NRK: variants seen among roughly 807,000 people sequenced by gnomAD.
NRK encodes the protein nik-related protein kinase.
NRK carries 67 observed loss-of-function variants against 125.2 expected under a neutral mutation model. The ratio of observed to expected loss-of-function variants is 0.54; its 90% CI spans 0.44 to 0.66. The LOEUF is 0.66. Among genes scored for constraint, NRK ranks in the 30% least tolerant of loss-of-function variants. The pLI, the probability that NRK is intolerant of heterozygous loss-of-function variation, is 0.00. For missense variants in NRK, 1,224 were observed against 1,192.9 expected, an observed-to-expected ratio of 1.03 and a Z score of -0.38; for synonymous variants, 458 against 429.0, an observed-to-expected ratio of 1.07 and a Z score of -0.84.
rs772831247 is a variant in NRK, at chrX:105,917,726, A to G, written c.2512+54A>G. ...CAAAACACAGAGCTACTGTTTAACA[A>G]TTTATATTTCAGAAGTCAAGAAAGA... On this transcript the variant is annotated intron_variant, in intron 16 of 28. Coordinates refer to ENST00000243300, the MANE Select transcript of NRK (RefSeq NM_198465.4). The G allele has an allele frequency of 8.5e-6, 5 of 588,591 alleles. No homozygotes were observed. In the African/African-American group the frequency reaches 9.3e-5, roughly 11 times the overall value. The allele number at this position is 588,591 out of a possible 1,213,427, so 48.5% of individuals were successfully genotyped here. A position where few individuals can be genotyped will look rare whatever the true frequency, so the allele number is the denominator to read the frequency against.
chrX:105,955,302 T>C (rs903593268), intron 28 of NRK, among the ~76,000 whole-genome samples: 7 of 111,960 alleles, frequency 6.3e-5, no homozygotes, highest in Non-Finnish European at 1.1e-4. Flanking sequence ...ATGTAGACTA[T>C]AGTAAAAGGG....
chrX:105,924,959 A>G lies in NRK; in HGVS notation c.3240A>G (p.Glu1080=), dbSNP rs2040504511. ...EESGALGLNG[E]ENCSETDGPG... is the part of the protein sequence containing the mutation. ...GTGGAGCCCTTGGACTCAATGGAGA[A>G]GAAAATTGCTCAGAGACAGATGGTC... Residue 1080 remains glutamate, a synonymous_variant, in exon 19 of 29, where the codon GAA becomes GAG. Transcript: ENST00000243300. 3 of 1,211,426 alleles carry G rather than the reference A, an allele frequency of 2.5e-6. No homozygotes were observed. The East Asian group carries it at 8.9e-5, about 36-fold the overall frequency.
chrX:105,920,435 G>T (rs369751523), intron 16 of NRK, among the ~76,000 whole-genome samples: 21 of 104,389 alleles, frequency 2.0e-4, no homozygotes, highest in East Asian at 9.1e-4. Context: ...GTGAAGAAAG[G>T]CATTGGTAGC....
intron 2 of NRK, among the ~76,000 whole-genome samples, chrX:105,835,251 A>G (rs2039247278): frequency 9.0e-6 from 1 of 111,581 alleles, no homozygotes; most frequent in Admixed American, 9.5e-5. Context: ...TCAGTTCACT[A>G]CCAGCTTCAG....
chrX:105,936,718 C>T (rs926772895), intron 21 of NRK, among the ~76,000 whole-genome samples: 9 of 111,366 alleles, frequency 8.1e-5, no homozygotes, highest in African/African-American at 2.6e-4. Flanking sequence ...GTTCTGTCTT[C>T]TATTTCAGTC....
rs140857240 is a variant in NRK, at chrX:105,906,625, T to C, written c.1021+36T>C. ...TTAAGTTTTATTTTACTGAAATGAA[T>C]ATTCAGAGTTTATTCATGTATTGTT... is the stretch of plus-strand genomic sequence containing the variant. On this transcript the variant is annotated intron_variant, in intron 11 of 28. Transcript: ENST00000243300. 1.0e-3 allele frequency: 764 copies of C among 731,065 alleles called. 7 individuals carry two copies. The African/African-American group carries it at 0.015, about 14-fold the overall frequency. 60.2% of individuals were successfully genotyped at this position (731,065 alleles called of 1,213,427 possible).
chrX:105,897,099 T>C (rs1255266282), intron 7 of NRK, among the ~76,000 whole-genome samples: 2 of 112,368 alleles, frequency 1.8e-5, no homozygotes, highest in Non-Finnish European at 3.8e-5. Context: ...TGTACCTTCC[T>C]CTGGAGGAGA....
intron 22 of NRK, among the ~76,000 whole-genome samples, chrX:105,939,003 C>A (rs1450445986): frequency 1.8e-5 from 2 of 110,413 alleles, no homozygotes; most frequent in Non-Finnish European, 3.8e-5. Context: ...ATGAGAAAAG[C>A]ATGAAAGTAA....
chrX:105,948,886 T>G, intron 26 of NRK: 1 of 326,732 alleles, frequency 3.1e-6, no homozygotes, highest in Non-Finnish European at 5.3e-6. Flanking sequence ...AAGAAAACTT[T>G]ATTGCATTGT....
intron 2 of NRK, among the ~76,000 whole-genome samples, chrX:105,857,873 T>C (rs958236383): frequency 9.0e-6 from 1 of 111,102 alleles, no homozygotes; most frequent in African/African-American, 3.3e-5. Flanking sequence ...CCCACTTTTT[T>C]CCTTCTCTCT....
chrX:105,935,830 T>C (rs1001197565), intron 21 of NRK, among the ~76,000 whole-genome samples: 95 of 104,313 alleles, frequency 9.1e-4, no homozygotes, highest in East Asian at 1.4e-3. Flanking sequence ...TATATATATA[T>C]ACACAACTGG....
At chrX:105,877,833 AG>A (rs79834775) in intron 2 of NRK, among the ~76,000 whole-genome samples, 21,346 of 110,319 alleles carry the variant, frequency 0.19, 1,542 homozygotes, top group Middle Eastern at 0.31. Flanking sequence ...ACAGATAATG[AG>A]GGTAGAACCA....
At chrX:105,847,273 G>T (rs1166254580) in intron 2 of NRK, among the ~76,000 whole-genome samples, 2 of 111,913 alleles carry the variant, frequency 1.8e-5, no homozygotes, top group African/African-American at 3.2e-5. Flanking sequence ...GTGTCAAAGA[G>T]ACTTTCTAAT....
intron 9 of NRK, among the ~76,000 whole-genome samples, 166 bp from the exon 10 acceptor site, chrX:105,905,099 C>A (rs927346477): frequency 8.9e-6 from 1 of 112,028 alleles, no homozygotes. Flanking sequence ...TGCATTAAAA[C>A]GAGCTTTTCT....
upstream of NRK, among the ~76,000 whole-genome samples, chrX:105,822,389 CG>C (rs1368369485): frequency 1.8e-5 from 2 of 111,858 alleles, no homozygotes; most frequent in Admixed American, 1.9e-4. Flanking sequence ...GCACCTCCCT[CG>C]GCCGGTGGCC....
intron 2 of NRK, among the ~76,000 whole-genome samples, chrX:105,837,264 ATAT>A (rs1398383974): frequency 8.9e-6 from 1 of 111,747 alleles, no homozygotes; most frequent in African/African-American, 3.2e-5. Flanking sequence ...TATATTTAAC[ATAT>A]TATATATATG....
rs761580032 is a variant in NRK at position 105,924,851 on chromosome X, A to G, written c.3132A>G (p.Glu1044=). 8.3e-7 allele frequency: 1 copy of G among 1,211,274 alleles called. No homozygotes were observed. The highest frequency in any genetic ancestry group is 2.2e-5 in the Admixed American group (1 of 45,868). The change falls in exon 19 of 29, where the codon GAA becomes GAG. Residue 1044 remains glutamate (E), a synonymous_variant. Transcript: ENST00000243300. The stretch of plus-strand genomic sequence containing the variant: ...ACAATGCAGCCATTGGAGATCAGGA[A>G]GAACATGCAGCCAATATAGGCAGTG... The part of the protein sequence containing the change: ...SEDNAAIGDQ[E]EHAANIGSER...
intron 2 of NRK, among the ~76,000 whole-genome samples, chrX:105,837,932 G>A (rs1012650285): frequency 9.0e-6 from 1 of 111,546 alleles, no homozygotes; most frequent in African/African-American, 3.3e-5. Context: ...CTTTAGGGTG[G>A]CAAAATTGGA....
At chrX:105,869,146 G>C (rs758055932) in intron 2 of NRK, among the ~76,000 whole-genome samples, 1 of 110,907 alleles carries the variant, frequency 9.0e-6, no homozygotes, top group African/African-American at 3.3e-5. Flanking sequence ...GGAATGTTGA[G>C]GAAGGGAATG....
Sources: allele counts gnomAD v4.1 joint callset (sites outside exome capture counted in the v4.1 genomes callset), GRCh38; gene constraint gnomAD v4.1.1; transcripts MANE v1.5; gene names NCBI Gene and HGNC (gene_info 2026-07-23, HGNC 2026-07-21).